LPA: variants seen among roughly 807,000 people sequenced by gnomAD.
The protein encoded by LPA is lipoprotein(a).
In LPA, 199 loss-of-function variants were observed where a neutral mutation model predicts 197.9. The observed-to-expected ratio is 1.01, with a 90% CI of 0.90 to 1.13. The LOEUF is 1.13. LPA is among the 50% of genes most tolerant of loss of function. The pLI, the probability that LPA is intolerant of heterozygous loss-of-function variation, is 0.00. For missense variants in LPA, 1,853 were observed against 1,785.8 expected (o/e 1.04, Z -0.68); for synonymous variants, 715 against 639.5 (o/e 1.12, Z -1.78).
At chr6:160,573,558 G>A (rs557636704) in intron 28 of LPA, among the ~76,000 whole-genome samples, 9 of 152,304 alleles carry the variant, frequency 5.9e-5, no homozygotes, top group African/African-American at 2.2e-4. Context: ...GGTAGACTGT[G>A]TCAGAGGGAA....
intron 26 of LPA, among the ~76,000 whole-genome samples, chr6:160,584,309 CTCTTCTTCTTTTCTTCTTCT>C (rs1028369041): frequency 8.9e-6 from 1 of 112,232 alleles, no homozygotes; most frequent in African/African-American, 3.3e-5. Context: ...CTTCTTCTTC[CTCTTCTTCTTTTCTTCTTCT>C]TCTTCTTTTT....
intron 19 of LPA, among the ~76,000 whole-genome samples, chr6:160,599,895 A>C (rs768659066): frequency 4.6e-5 from 7 of 152,228 alleles, no homozygotes; most frequent in Non-Finnish European, 8.8e-5. Flanking sequence ...TTAGTGGAAA[A>C]GAAATATCAG....
intron 37 of LPA, among the ~76,000 whole-genome samples, chr6:160,534,681 G>T (rs112842440): frequency 0.012 from 1,814 of 152,274 alleles, 13 homozygotes; most frequent in Non-Finnish European, 0.017. Context: ...TGATAAGCAG[G>T]CCTGAGTTAT....
intron 20 of LPA, among the ~76,000 whole-genome samples, chr6:160,597,500 G>C (rs1173257290): frequency 6.6e-6 from 1 of 152,150 alleles, no homozygotes; most frequent in Non-Finnish European, 1.5e-5. Context: ...GTGTATATAT[G>C]TGCAGCTATT....
chr6:160,557,456 C>G lies in LPA; in HGVS notation c.4747G>C (p.Glu1583Gln). ...GTGGGAGTCTCTAGGACACCTGATTCTGTTTCTGAGCATTGTGTCAGATTG... is the reference window on the plus strand; with the variant it reads ...GTGGGAGTCTCTAGGACACCTGATTGTGTTTCTGAGCATTGTGTCAGATTG... ...YCNLTQCSET[E>Q]SGVLETPTVV... Residue 1583 changes from glutamate to glutamine, a missense_variant, in exon 29 of 39, where the codon GAA becomes CAA. By Grantham distance (29) the Glu-to-Gln change is conservative. Around this residue, in one of 3 missense-constraint regions of LPA, gnomAD observed 1,737 missense variants for 1,504.4 expected, o/e 1.15. Coordinates refer to ENST00000316300, the MANE Select transcript of LPA (RefSeq NM_005577.4). The G allele has an allele frequency of 6.2e-7, 1 of 1,614,160 alleles. No individual in the cohort carries two copies. The highest frequency in any genetic ancestry group is 2.2e-5 in the East Asian group (1 of 44,876).
At chr6:160,655,341 A>G (rs1435471510) in intron 1 of LPA, among the ~76,000 whole-genome samples, 3 of 152,238 alleles carry the variant, frequency 2.0e-5, no homozygotes, top group African/African-American at 7.2e-5. Flanking sequence ...GGCTCCAAAC[A>G]GCATCCCTAT....
chr6:160,547,764 AAG>A (rs1339722936), intron 32 of LPA, 23 bp downstream of exon 32: 1 of 1,613,774 alleles, frequency 6.2e-7, no homozygotes, highest in African/African-American at 1.3e-5. Context: ...CAAAGGGAAA[AAG>A]AGTCCAAATC....
chr6:160,547,767 A>C, intron 32 of LPA, 22 bp downstream of exon 32: 2 of 1,613,970 alleles, frequency 1.2e-6, no homozygotes, highest in Non-Finnish European at 1.7e-6. Flanking sequence ...AGGGAAAAAG[A>C]GTCCAAATCA....
intron 36 of LPA, among the ~76,000 whole-genome samples, chr6:160,539,590 C>G (rs1777946468): frequency 6.6e-6 from 1 of 152,078 alleles, no homozygotes; most frequent in South Asian, 2.1e-4. Context: ...GTCCTGGGCT[C>G]AAGCAATTCT....
intron 28 of LPA, among the ~76,000 whole-genome samples, chr6:160,564,958 G>T (rs537807575): frequency 6.6e-6 from 1 of 152,158 alleles, no homozygotes; most frequent in African/African-American, 2.4e-5. Context: ...ACTGCAAGGC[G>T]GCAGCAAAGC....
At chr6:160,574,419 A>T (rs1319597002) in intron 28 of LPA, among the ~76,000 whole-genome samples, 1 of 151,900 alleles carries the variant, frequency 6.6e-6, no homozygotes, top group Non-Finnish European at 1.5e-5. Flanking sequence ...TCTGGCCAGG[A>T]GGCTTCTCCC....
rs749608824 is a variant in LPA at position 160,557,423 on chromosome 6, G to C, written c.4780C>G (p.Pro1594Ala). ...SGVLETPTVVPVPSMEAHSEA... is the reference protein window; with the variant it reads ...SGVLETPTVVAVPSMEAHSEA... ...GAATGAGCCTCCATGCTTGGAACTG[G>C]AACAACAGTGGGAGTCTCTAGGACA... Residue 1594 changes from proline to alanine, a missense_variant, in exon 29 of 39, where the codon CCA becomes GCA. Physicochemically the swap from Pro to Ala is conservative, Grantham distance 27 (BLOSUM62 -1). This residue lies in a region of LPA where 1,737 missense variants were observed against 1,504.4 expected (regional missense o/e 1.15). Coordinates refer to ENST00000316300, the MANE Select transcript of LPA (RefSeq NM_005577.4). 1.2e-6 allele frequency: 2 copies of C among 1,614,100 alleles called. No homozygotes were observed. Among genetic ancestry groups the C allele is most frequent in the Admixed American group, 1.7e-5 (1 of 60,010 alleles).
chr6:160,564,546 G>A (rs539354539), intron 28 of LPA, among the ~76,000 whole-genome samples: 31 of 152,264 alleles, frequency 2.0e-4, no homozygotes, highest in South Asian at 8.3e-4. Flanking sequence ...CAAGATGGCC[G>A]AATAGGAACA....
rs763838535 is a variant in LPA at position 160,601,052 on chromosome 6, G to A, written c.2992C>T (p.Pro998Ser). The change falls in exon 19 of 39, where the codon CCT becomes TCT. Residue 998 changes from proline to serine, a missense_variant. By Grantham distance (74) the Pro-to-Ser change is moderately conservative. This residue lies in a region of LPA where 1,737 missense variants were observed against 1,504.4 expected (regional missense o/e 1.15). Coordinates refer to ENST00000316300, the MANE Select transcript of LPA (RefSeq NM_005577.4). ...CTGGGATCTGTTGTATAACACCAAGGGGCTGCCACAGGATCTGGATTTCGG... is the reference window on the plus strand; with the variant it reads ...CTGGGATCTGTTGTATAACACCAAGAGGCTGCCACAGGATCTGGATTTCGG... ...YCRNPDPVAA[P>S]WCYTTDPSVR... is the part of the protein sequence containing the mutation. The A allele has an allele frequency of 3.7e-6, 6 of 1,613,934 alleles. No individual in the cohort carries two copies. In the Admixed American group the frequency reaches 5.0e-5, roughly 13 times the overall value.
intron 30 of LPA, among the ~76,000 whole-genome samples, chr6:160,553,606 T>G (rs1199615565): frequency 6.6e-6 from 1 of 152,230 alleles, no homozygotes; most frequent in African/African-American, 2.4e-5. Flanking sequence ...ATGATATTGT[T>G]TTCCTCTGGC....
intron 18 of LPA, among the ~76,000 whole-genome samples, chr6:160,604,031 T>A (rs189638292): frequency 1.7e-4 from 26 of 152,306 alleles, no homozygotes; most frequent in Non-Finnish European, 3.7e-4. Context: ...GGATATATTC[T>A]TTTCTCTACT....
chr6:160,604,914 T>C (rs1252920543), intron 18 of LPA, 132 bp downstream of exon 18: 10 of 1,397,916 alleles, frequency 7.2e-6, no homozygotes, highest in Non-Finnish European at 1.0e-5. Context: ...AAGACAATGT[T>C]CCTGAGACAT....
intron 1 of LPA, among the ~76,000 whole-genome samples, chr6:160,661,873 T>G (rs1293013358): frequency 6.6e-6 from 1 of 152,226 alleles, no homozygotes; most frequent in African/African-American, 2.4e-5. Flanking sequence ...ATAAGGTGCT[T>G]CCTACAGTGA....
chr6:160,654,517 C>G (rs9457988), intron 1 of LPA, among the ~76,000 whole-genome samples: 7,716 of 152,104 alleles, frequency 0.051, 692 homozygotes, highest in African/African-American at 0.18. Flanking sequence ...ACAAGTCCAA[C>G]TCCTTGTCAA....
Sources: gnomAD v4.1 joint callset for allele counts (sites outside exome capture counted in the v4.1 genomes callset) on GRCh38, gnomAD v4.1.1 for gene constraint, gnomAD v4.1.1 regional missense constraint, MANE v1.5 for transcripts, NCBI Gene and HGNC (gene_info 2026-07-23, HGNC 2026-07-21) for gene names.